The following CTNNA1 variants were observed in gnomAD, a reference collection of about 807,000 sequenced individuals.
The protein encoded by CTNNA1 is catenin alpha 1.
Under a neutral mutation model 98.4 loss-of-function variants are expected in CTNNA1, and 37 were observed. That is an observed-to-expected ratio of 0.38 (90% CI 0.29 to 0.49). The LOEUF (loss-of-function observed/expected upper bound fraction) is 0.49. Among genes scored for constraint, CTNNA1 ranks in the 20% least tolerant of loss-of-function variants. The pLI is 0.95. For synonymous variants in CTNNA1, 404 were observed against 413.2 expected (o/e 0.98, Z 0.27); for missense variants, 761 against 1,147.2 (o/e 0.66, Z 4.86).
chr5:138,792,368 A>G (rs1367217233), intron 3 of CTNNA1, among the ~76,000 whole-genome samples: 2 of 152,214 alleles, frequency 1.3e-5, no homozygotes, highest in Non-Finnish European at 2.9e-5. Context: ...GAAGGAGGCG[A>G]AAATTGGTCT....
intron 1 of CTNNA1, among the ~76,000 whole-genome samples, chr5:138,774,499 A>G (rs1753874236): frequency 6.6e-6 from 1 of 152,172 alleles, no homozygotes. Context: ...GTTGATGAAC[A>G]AGTGGGCACA....
At chr5:138,780,553 T>C (rs1035668263) in intron 1 of CTNNA1, among the ~76,000 whole-genome samples, 8 of 151,830 alleles carry the variant, frequency 5.3e-5, no homozygotes, top group East Asian at 1.9e-4. Context: ...GTTTTTTTCT[T>C]GTTGCCCAGG....
At chr5:138,819,404 CAG>C (rs1200733165) in intron 5 of CTNNA1, among the ~76,000 whole-genome samples, 2 of 152,178 alleles carry the variant, frequency 1.3e-5, no homozygotes, top group Non-Finnish European at 2.9e-5. Flanking sequence ...TTTAGGGAAA[CAG>C]AATACTAGAG....
At chr5:138,906,915 C>T (rs938715931) in intron 10 of CTNNA1, among the ~76,000 whole-genome samples, 2 of 152,206 alleles carry the variant, frequency 1.3e-5, no homozygotes, top group South Asian at 2.1e-4. Flanking sequence ...GACATGGTCA[C>T]AGCAAACTGG....
At position 138,904,400 on chromosome 5, in the gene CTNNA1, G is replaced by C; in HGVS notation, c.1348G>C (p.Val450Leu). 2 of 1,614,190 alleles carry C rather than the reference G, an allele frequency of 1.2e-6. No individual in the cohort carries two copies. The highest frequency in any genetic ancestry group is 1.7e-6 in the Non-Finnish European group (2 of 1,180,000). The change falls in exon 10 of 18, where the codon GTT (valine) becomes CTT (leucine). Residue 450 changes from valine to leucine, a missense_variant. Val to Leu is a conservative substitution (Grantham distance 32). This residue lies in a region of CTNNA1 where 287 missense variants were observed against 436.0 expected (regional missense o/e 0.66). Coordinates refer to ENST00000302763, the MANE Select transcript of CTNNA1 (RefSeq NM_001903.5). ...ISNNEEGVKLVRMSASQLEAL... is the reference protein window; with the variant it reads ...ISNNEEGVKLLRMSASQLEAL... ...AAATAATGAAGAAGGTGTAAAGCTT[G>C]TTCGAATGTCTGCAAGCCAGTTAGA... is the stretch of plus-strand genomic sequence containing the variant.
At chr5:138,792,945 T>G (rs1756536458) in intron 3 of CTNNA1, among the ~76,000 whole-genome samples, 1 of 152,198 alleles carries the variant, frequency 6.6e-6, no homozygotes, top group South Asian at 2.1e-4. Context: ...TTATCTTACC[T>G]TTTCCCCTTG....
intron 3 of CTNNA1, among the ~76,000 whole-genome samples, chr5:138,789,125 TAGTG>T (rs1756052125): frequency 6.6e-6 from 1 of 152,096 alleles, no homozygotes; most frequent in South Asian, 2.1e-4. Flanking sequence ...GGCTGGTTGA[TAGTG>T]TGTGGTCCCT....
At chr5:138,924,474 C>T in intron 11 of CTNNA1, 36 bp from the exon 12 acceptor site, 1 of 1,606,904 alleles carries the variant, frequency 6.2e-7, no homozygotes, top group Non-Finnish European at 8.5e-7. Context: ...TCATAGAAAG[C>T]CTCCTTCCTC....
At position 138,773,559 on chromosome 5, in the gene CTNNA1, T is replaced by C. The variant is rs75765482; in HGVS notation, c.-2-8364T>C. 3.1e-3 allele frequency among the ~76,000 whole-genome samples: 473 copies of C among 152,316 alleles called. 4 individuals are homozygous for C. The highest frequency in any genetic ancestry group is 0.011 in the African/African-American group (449 of 41,570). ...AAAGGTGCTATACAGGGCAGTCTGC[T>C]TGCATTATGGTTATTGAAAGTCTTG... On this transcript the variant is annotated intron_variant, in intron 1 of 17. Coordinates refer to ENST00000302763, the MANE Select transcript of CTNNA1 (RefSeq NM_001903.5).
chr5:138,927,766 G>T (rs922902705), intron 13 of CTNNA1, among the ~76,000 whole-genome samples: 28 of 152,144 alleles, frequency 1.8e-4, no homozygotes, highest in Middle Eastern at 6.8e-3. Context: ...GGTTTTCTTG[G>T]CAAGAACGGT....
At position 138,783,326 on chromosome 5, in the gene CTNNA1, T is replaced by G. The variant is rs1472421692; in HGVS notation, c.255T>G (p.Phe85Leu). ...ATAAAATTGCGAAGGAGAGCCAGTTTCTCAAGGAGGAGCTTGTGGCTGCTG... is the reference window on the plus strand; with the variant it reads ...ATAAAATTGCGAAGGAGAGCCAGTTGCTCAAGGAGGAGCTTGTGGCTGCTG... ...KGDKIAKESQ[F>L]LKEELVAAVE... The change falls in exon 3 of 18, where the codon TTT (phenylalanine) becomes TTG (leucine). Residue 85 changes from phenylalanine to leucine, a missense_variant. This residue lies in a region of CTNNA1 where 328 missense variants were observed against 354.3 expected (regional missense o/e 0.93). Transcript: ENST00000302763. 1 of 1,614,010 alleles carries G rather than the reference T, an allele frequency of 6.2e-7. No individual in the cohort carries two copies. The highest frequency in any genetic ancestry group is 8.5e-7 in the Non-Finnish European group (1 of 1,179,978).
At chr5:138,904,577 G>A in intron 10 of CTNNA1, 136 bp downstream of exon 10, 1 of 1,100,554 alleles carries the variant, frequency 9.1e-7, no homozygotes, top group South Asian at 1.8e-5. Context: ...CACTGACACA[G>A]AACCCACATA....
At chr5:138,865,167 T>C (rs1561609519) in intron 7 of CTNNA1, among the ~76,000 whole-genome samples, 2 of 152,184 alleles carry the variant, frequency 1.3e-5, no homozygotes, top group African/African-American at 2.4e-5. Context: ...TGTAATATAA[T>C]GTAGTAGGTG....
chr5:138,866,759 G>A (rs1161123586), intron 7 of CTNNA1, among the ~76,000 whole-genome samples: 2 of 152,150 alleles, frequency 1.3e-5, no homozygotes, highest in Non-Finnish European at 2.9e-5. Flanking sequence ...TAGAAGGGGA[G>A]GTTTAAGATG....
At chr5:138,860,118 A>G (rs1764127014) in intron 7 of CTNNA1, among the ~76,000 whole-genome samples, 1 of 152,164 alleles carries the variant, frequency 6.6e-6, no homozygotes, top group Non-Finnish European at 1.5e-5. Context: ...GGTACCTCTG[A>G]TACTGAAATA....
At chr5:138,785,896 A>G (rs1755654146) in intron 3 of CTNNA1, among the ~76,000 whole-genome samples, 2 of 152,184 alleles carry the variant, frequency 1.3e-5, no homozygotes, top group African/African-American at 4.8e-5. Context: ...GCCTGGCCAC[A>G]TTTATTTTTA....
chr5:138,805,623 T>C (rs557938017), intron 3 of CTNNA1, among the ~76,000 whole-genome samples: 11 of 152,184 alleles, frequency 7.2e-5, no homozygotes, highest in African/African-American at 2.6e-4. Context: ...TGTTTGTTTG[T>C]TTGTTTTTAA....
chr5:138,842,745 G>A (rs1364911136), intron 7 of CTNNA1, among the ~76,000 whole-genome samples: 1 of 152,140 alleles, frequency 6.6e-6, no homozygotes, highest in Non-Finnish European at 1.5e-5. Flanking sequence ...AAATTTGTTT[G>A]AGTTTTCTTT....
At chr5:138,869,358 C>G (rs1765119578) in intron 7 of CTNNA1, 3 of 150,108 alleles carry the variant, frequency 2.0e-5, no homozygotes, top group Admixed American at 6.7e-5. Context: ...TATAGATGGC[C>G]TTACTGTCTC....
Sources: gnomAD v4.1 joint callset for allele counts (sites outside exome capture counted in the v4.1 genomes callset) on GRCh38, gnomAD v4.1.1 for gene constraint, gnomAD v4.1.1 regional missense constraint, MANE v1.5 for transcripts, NCBI Gene and HGNC (gene_info 2026-07-23, HGNC 2026-07-21) for gene names.